Variants in TRMT61B observed in about 807,000 individuals in gnomAD.
The protein encoded by TRMT61B is tRNA (adenine(58)-N(1))-methyltransferase, mitochondrial.
TRMT61B carries 56 observed loss-of-function variants against 52.0 expected under a neutral mutation model. The observed-to-expected ratio is 1.08, with a 90% CI of 0.87 to 1.35. The LOEUF is 1.35. Ranked by LOEUF, TRMT61B falls within the 40% of genes most tolerant of loss-of-function variation. The probability of loss-of-function intolerance (pLI) is 0.00; values close to 1 mark genes in which losing one functional copy is unlikely to be tolerated. For synonymous variants in TRMT61B, 206 were observed against 220.0 expected (o/e 0.94, Z 0.56); for missense variants, 650 against 577.9 (o/e 1.12, Z -1.28).
chr2:28,862,842 A>T (rs973841544), intron 2 of TRMT61B, among the ~76,000 whole-genome samples: 82 of 142,194 alleles, frequency 5.8e-4, no homozygotes, highest in Non-Finnish European at 1.1e-3. Context: ...AAATAAAAAA[A>T]AAAAATTAAA....
intron 2 of TRMT61B, 138 bp from the exon 3 acceptor site, chr2:28,861,446 T>C: frequency 1.5e-6 from 1 of 685,934 alleles, no homozygotes; most frequent in Middle Eastern, 4.2e-4. Context: ...TGATCTCCTA[T>C]CCCTGATCTC....
Position 28,849,858 on chromosome 2 carries a change from G to A in TRMT61B, c.*341C>T, listed in dbSNP as rs1668994735. The stretch of plus-strand genomic sequence containing the variant: ...TGCATATTTTATTTCAGTAGTCAAT[G>A]ACCATCAATCAAATAAAGGAAAGAA... On this transcript the variant is annotated 3_prime_UTR_variant, in exon 7 of 7. Transcript: ENST00000306108. 1 of 1,550,198 alleles carries A rather than the reference G, an allele frequency of 6.5e-7. No individual in the cohort carries two copies. Among genetic ancestry groups the A allele is most frequent in the Admixed American group, 2.0e-5 (1 of 49,596 alleles).
chr2:28,853,365 C>T (rs1669203639), intron 3 of TRMT61B, among the ~76,000 whole-genome samples: 2 of 152,078 alleles, frequency 1.3e-5, no homozygotes, highest in Non-Finnish European at 2.9e-5. Context: ...TATGTAGATA[C>T]AGGTTTTGCC....
chr2:28,864,995 C>A, intron 2 of TRMT61B, 22 bp downstream of exon 2: 2 of 1,383,928 alleles, frequency 1.4e-6, no homozygotes, highest in Non-Finnish European at 2.1e-6. Context: ...TTACTGAGAT[C>A]CAGCTCAGTC....
At chr2:28,854,088 T>C (rs1669238070) in intron 3 of TRMT61B, among the ~76,000 whole-genome samples, 1 of 152,236 alleles carries the variant, frequency 6.6e-6, no homozygotes, top group Admixed American at 6.5e-5. Context: ...AGATTGTTTG[T>C]GTCTTTTAAA....
chr2:28,851,734 C>G (rs1224255055), intron 4 of TRMT61B, among the ~76,000 whole-genome samples: 1 of 150,928 alleles, frequency 6.6e-6, no homozygotes, highest in African/African-American at 2.4e-5. Context: ...CAAAAATTAG[C>G]CGGGTGTGGT....
intron 3 of TRMT61B, among the ~76,000 whole-genome samples, chr2:28,860,074 C>T (rs1045486507): frequency 6.6e-6 from 1 of 151,752 alleles, no homozygotes; most frequent in African/African-American, 2.4e-5. Flanking sequence ...GAGTTCGAGA[C>T]CAGCCTGGCC....
intron 2 of TRMT61B, among the ~76,000 whole-genome samples, chr2:28,862,106 T>A (rs989099687): frequency 2.7e-5 from 4 of 146,852 alleles, no homozygotes; most frequent in African/African-American, 1.0e-4. Flanking sequence ...CTCGGGAGAC[T>A]GAGGCAGGAG....
chr2:28,857,251 T>TA (rs397725258), intron 3 of TRMT61B, among the ~76,000 whole-genome samples: 28 of 151,948 alleles, frequency 1.8e-4, no homozygotes, highest in African/African-American at 2.4e-4. Flanking sequence ...ATTTTTTTTT[T>TA]AATTTTTTAA....
rs146492148 is a variant in TRMT61B at position 28,852,749 on chromosome 2, C to A, written c.994-250G>T. On this transcript the variant is annotated intron_variant, in intron 3 of 6. Transcript: ENST00000306108. ...TGAGGCAAGAGGATCCATTTGAGGC[C>A]GAGTTTGAGAACAGCCCAGGCAACA... 8.7e-3 allele frequency among the ~76,000 whole-genome samples: 1,313 copies of A among 151,528 alleles called. 12 individuals are homozygous for A. The highest frequency in any genetic ancestry group is 0.014 in the Non-Finnish European group (974 of 67,956).
chr2:28,850,428 C>T (rs570311692), intron 5 of TRMT61B, 23 bp from the exon 6 acceptor site: 1 of 1,422,548 alleles, frequency 7.0e-7, no homozygotes, highest in Admixed American at 2.0e-5. Context: ...AATATATGTA[C>T]TATAAGCTAC....
chr2:28,853,579 A>C (rs1487152695), intron 3 of TRMT61B, among the ~76,000 whole-genome samples: 1 of 152,200 alleles, frequency 6.6e-6, no homozygotes, highest in Non-Finnish European at 1.5e-5. Flanking sequence ...GCTCACGCCT[A>C]TAATCCCAGC....
chr2:28,869,590 T>C lies in TRMT61B; in HGVS notation c.688A>G (p.Thr230Ala). The change falls in exon 1 of 7, where the codon ACA (threonine) becomes GCA (alanine). Residue 230 changes from threonine to alanine, a missense_variant. Coordinates refer to ENST00000306108, the MANE Select transcript of TRMT61B (RefSeq NM_017910.4). ...CTCCATCGCATTACCTTTGGGAATG[T>C]TATGGCAGTCCCTCTTTTCATCAAT... ...VVLMKRGTAITFPKDINMILS... is the reference protein window; with the variant it reads ...VVLMKRGTAIAFPKDINMILS... The C allele has an allele frequency of 6.2e-7, 1 of 1,610,524 alleles. No homozygotes were observed. Among genetic ancestry groups the C allele is most frequent in the Non-Finnish European group, 8.5e-7 (1 of 1,177,300 alleles).
At chr2:28,852,744 G>T (rs569462572) in intron 3 of TRMT61B, among the ~76,000 whole-genome samples, 44 of 152,012 alleles carry the variant, frequency 2.9e-4, no homozygotes, top group African/African-American at 1.1e-3. Context: ...GGATCCATTT[G>T]AGGCCGAGTT....
intron 1 of TRMT61B, among the ~76,000 whole-genome samples, chr2:28,867,922 T>G (rs1016391340): frequency 6.6e-6 from 1 of 152,168 alleles, no homozygotes; most frequent in African/African-American, 2.4e-5. Flanking sequence ...CATAGTGGCA[T>G]GCACCTGTGG....
Position 28,869,750 on chromosome 2 carries a change from G to A in TRMT61B, c.528C>T (p.Asn176=), listed in dbSNP as rs1015463257. The change falls in exon 1 of 7, where the codon AAC becomes AAT. Residue 176 remains asparagine, a synonymous_variant. Coordinates refer to ENST00000306108, the MANE Select transcript of TRMT61B (RefSeq NM_017910.4). Reference sequence around the variant, plus strand: ...CCCAGTTACTATTTAAGAGTCCGAAGTTGTTCAACCTAAATAATTTCTTAA... The same window carrying A: ...CCCAGTTACTATTTAAGAGTCCGAAATTGTTCAACCTAAATAATTTCTTAA... ...TKFKKLFRLN[N]FGLLNSNWGA... is the part of the protein sequence containing the mutation. 9 of 1,614,082 alleles carry A rather than the reference G, an allele frequency of 5.6e-6. No individual in the cohort carries two copies. The South Asian group carries it at 7.7e-5, about 14-fold the overall frequency.
chr2:28,869,338 T>A (rs1669984033), intron 1 of TRMT61B, among the ~76,000 whole-genome samples: 3 of 152,174 alleles, frequency 2.0e-5, no homozygotes, highest in Admixed American at 6.5e-5. Flanking sequence ...TGAGCTATTA[T>A]CCACATTTTA....
At chr2:28,853,575 G>A (rs1255915526) in intron 3 of TRMT61B, among the ~76,000 whole-genome samples, 1 of 152,148 alleles carries the variant, frequency 6.6e-6, no homozygotes, top group African/African-American at 2.4e-5. Context: ...AGTGGCTCAC[G>A]CCTATAATCC....
chr2:28,869,710 C>G lies in TRMT61B; in HGVS notation c.568G>C (p.Gly190Arg). The change falls in exon 1 of 7, where the codon GGC becomes CGC. Residue 190 changes from glycine (G) to arginine (R), a missense_variant. Coordinates refer to ENST00000306108, the MANE Select transcript of TRMT61B (RefSeq NM_017910.4). The part of the protein sequence containing the change: ...LNSNWGAVPF[G>R]KIVGKFPGQI... ...CCGGGGAACTTCCCCACGATCTTGC[C>G]GAACGGGACTGCCCCCCAGTTACTA... 1.2e-6 allele frequency: 2 copies of G among 1,614,176 alleles called. No homozygotes were observed. Among genetic ancestry groups the G allele is most frequent in the Non-Finnish European group, 1.7e-6 (2 of 1,180,022 alleles).
Sources: allele counts gnomAD v4.1 joint callset (sites outside exome capture counted in the v4.1 genomes callset), GRCh38; gene constraint gnomAD v4.1.1; transcripts MANE v1.5; gene names NCBI Gene and HGNC (gene_info 2026-07-23, HGNC 2026-07-21).